LRIG1: variants seen among roughly 807,000 people sequenced by gnomAD.
LRIG1 encodes the protein leucine-rich repeats and immunoglobulin-like domains protein 1.
A neutral mutation model predicts 99.2 loss-of-function variants in LRIG1; 48 were observed. That is an observed-to-expected ratio of 0.48 (90% CI 0.38 to 0.62). The LOEUF is 0.62. Among genes scored for constraint, LRIG1 ranks in the 20% least tolerant of loss-of-function variants. The pLI is 0.00. For synonymous variants in LRIG1, 772 were observed against 596.1 expected, an observed-to-expected ratio of 1.29 and a Z score of -4.30; for missense variants, 1,646 against 1,434.4, an observed-to-expected ratio of 1.15 and a Z score of -2.38.
chr3:66,455,673 T>C (rs1314071027), intron 2 of LRIG1, among the ~76,000 whole-genome samples: 2 of 152,210 alleles, frequency 1.3e-5, no homozygotes, highest in East Asian at 1.9e-4. Context: ...GAAACTGTAG[T>C]TGGTTTTGTT....
At chr3:66,440,110 C>A (rs553519162) in intron 3 of LRIG1, among the ~76,000 whole-genome samples, 2 of 152,030 alleles carry the variant, frequency 1.3e-5, no homozygotes, top group Non-Finnish European at 2.9e-5. Flanking sequence ...AGGAACAATG[C>A]CTTTCAGTTG....
At chr3:66,430,980 A>G (rs187470330) in intron 3 of LRIG1, among the ~76,000 whole-genome samples, 1 of 150,796 alleles carries the variant, frequency 6.6e-6, no homozygotes, top group African/African-American at 2.4e-5. Context: ...CAGCACACTG[A>G]TGGTGTTCCC....
intron 1 of LRIG1, among the ~76,000 whole-genome samples, chr3:66,480,582 T>C (rs561958042): frequency 5.4e-4 from 82 of 152,028 alleles, no homozygotes; most frequent in Admixed American, 3.7e-3. Context: ...ACTGCCCCTC[T>C]ACGTGCCAGG....
chr3:66,436,437 C>T (rs1014147122), intron 3 of LRIG1, among the ~76,000 whole-genome samples: 33 of 152,312 alleles, frequency 2.2e-4, no homozygotes, highest in African/African-American at 6.0e-4. Context: ...ACCTTTCACT[C>T]GGCTTGCTTT....
At chr3:66,381,275 C>T (rs1278038317) in intron 17 of LRIG1, among the ~76,000 whole-genome samples, 3 of 152,166 alleles carry the variant, frequency 2.0e-5, no homozygotes, top group African/African-American at 4.8e-5. Flanking sequence ...AATTCATGCT[C>T]AGGCTTACCA....
chr3:66,480,010 A>G (rs9877826), intron 1 of LRIG1, among the ~76,000 whole-genome samples: 8,964 of 152,254 alleles, frequency 0.059, 874 homozygotes, highest in African/African-American at 0.2. Context: ...CTTACGCACA[A>G]ATGTTCACAG....
chr3:66,439,843 C>T (rs151033590), intron 3 of LRIG1, among the ~76,000 whole-genome samples: 139 of 152,210 alleles, frequency 9.1e-4, no homozygotes, highest in South Asian at 3.1e-3. Flanking sequence ...CCCTCACCCG[C>T]GCACCACCAA....
At chr3:66,441,936 G>C (rs1452870684) in intron 3 of LRIG1, among the ~76,000 whole-genome samples, 1 of 152,166 alleles carries the variant, frequency 6.6e-6, no homozygotes, top group Admixed American at 6.5e-5. Flanking sequence ...CAGATCCTGT[G>C]TCTCATAGGA....
At chr3:66,480,720 T>C (rs1053741641) in intron 1 of LRIG1, among the ~76,000 whole-genome samples, 1 of 152,174 alleles carries the variant, frequency 6.6e-6, no homozygotes, top group Non-Finnish European at 1.5e-5. Context: ...CAGCTAGAGT[T>C]TACCCTCCCA....
intron 1 of LRIG1, among the ~76,000 whole-genome samples, chr3:66,497,970 T>C (rs73085538): frequency 0.057 from 8,615 of 152,226 alleles, 362 homozygotes; most frequent in Non-Finnish European, 0.086. Context: ...ATAAATACTC[T>C]TATGGAAATT....
chr3:66,446,846 T>C (rs1703745580), intron 3 of LRIG1, among the ~76,000 whole-genome samples: 1 of 140,424 alleles, frequency 7.1e-6, no homozygotes, highest in Non-Finnish European at 1.6e-5. Flanking sequence ...GAAAAATGCT[T>C]TCCTCAAAAA....
intron 3 of LRIG1, among the ~76,000 whole-genome samples, chr3:66,446,298 C>A (rs942593500): frequency 6.6e-6 from 1 of 152,048 alleles, no homozygotes; most frequent in Non-Finnish European, 1.5e-5. Flanking sequence ...ACCACCTCCC[C>A]GCTTGGTCAC....
chr3:66,404,507 T>A, intron 9 of LRIG1: 3 of 949,888 alleles, frequency 3.2e-6, no homozygotes, highest in Non-Finnish European at 4.0e-6. Context: ...GAAGGGAACG[T>A]GGGCTTTGGA....
intron 2 of LRIG1, among the ~76,000 whole-genome samples, chr3:66,452,550 C>A (rs948283910): frequency 6.6e-6 from 1 of 152,140 alleles, no homozygotes; most frequent in East Asian, 1.9e-4. Flanking sequence ...ATTGTACTTG[C>A]GATGCAAAGT....
At chr3:66,499,957 C>A (rs1264355359) in intron 1 of LRIG1, among the ~76,000 whole-genome samples, 3 of 151,764 alleles carry the variant, frequency 2.0e-5, no homozygotes, top group Admixed American at 6.6e-5. Context: ...TCTCCAGACC[C>A]CACGAGGCAC....
intron 1 of LRIG1, among the ~76,000 whole-genome samples, chr3:66,478,739 C>CT (rs1056301782): frequency 5.9e-5 from 9 of 151,990 alleles, no homozygotes; most frequent in Admixed American, 3.3e-4. Context: ...TACGGGTCAG[C>CT]TTTTTTTTCC....
At chr3:66,421,412 C>G (rs549922947) in intron 3 of LRIG1, among the ~76,000 whole-genome samples, 2 of 152,188 alleles carry the variant, frequency 1.3e-5, no homozygotes, top group Non-Finnish European at 2.9e-5. Context: ...GTAAATATAG[C>G]CATTCCAACT....
At chr3:66,463,844 T>C (rs1386444623) in intron 1 of LRIG1, among the ~76,000 whole-genome samples, 3 of 152,344 alleles carry the variant, frequency 2.0e-5, no homozygotes, top group African/African-American at 7.2e-5. Flanking sequence ...CATTTCACTG[T>C]GAGCTCAGAG....
intron 8 of LRIG1, chr3:66,405,683 C>A: frequency 9.2e-7 from 1 of 1,083,934 alleles, no homozygotes. Flanking sequence ...CTGGACATGA[C>A]CGAGAAACTG....
Sources: gnomAD v4.1 joint callset for allele counts (sites outside exome capture counted in the v4.1 genomes callset) on GRCh38, gnomAD v4.1.1 for gene constraint, MANE v1.5 for transcripts, NCBI Gene and HGNC (gene_info 2026-07-23, HGNC 2026-07-21) for gene names.